The following XIRP2 variants were observed in gnomAD, a reference collection of about 807,000 sequenced individuals.
The protein encoded by XIRP2 is xin actin-binding repeat-containing protein 2.
Under a neutral mutation model 277.0 loss-of-function variants are expected in XIRP2, and 236 were observed. That is an observed-to-expected ratio of 0.85 (90% CI 0.77 to 0.95). XIRP2 has a LOEUF of 0.95. Among genes scored for constraint, XIRP2 ranks in the 40% least tolerant of loss-of-function variants. The pLI is 0.00. For synonymous variants in XIRP2, 1,490 were observed against 1,416.5 expected (o/e 1.05, Z -1.17); for missense variants, 4,640 against 4,157.5 (o/e 1.12, Z -3.19).
chr2:167,105,923 T>C (rs533941638), intron 2 of XIRP2, among the ~76,000 whole-genome samples: 26 of 151,828 alleles, frequency 1.7e-4, no homozygotes, highest in African/African-American at 6.0e-4. Flanking sequence ...GAACATCTTT[T>C]CATGTAGTCA....
In XIRP2 at chr2:167,258,983, A is replaced by G. The variant is rs1159696397; in HGVS notation, c.*1166A>G. The G allele has an allele frequency of 4.3e-6, 7 of 1,612,036 alleles. No individual in the cohort carries two copies. The highest frequency in any genetic ancestry group is 5.9e-6 in the Non-Finnish European group (7 of 1,178,980). On this transcript the variant is annotated 3_prime_UTR_variant, in exon 11 of 11. Coordinates refer to ENST00000409195, the MANE Select transcript of XIRP2 (RefSeq NM_152381.6). ...CCTTATGGTAAAGGGGGGAAGTTCAATCATCTCTCCTGATACAAATCTCTT... is the reference window on the plus strand; with the variant it reads ...CCTTATGGTAAAGGGGGGAAGTTCAGTCATCTCTCCTGATACAAATCTCTT...
rs376884835 is a variant in XIRP2, at chr2:167,227,503, C to T, written c.858+9203C>T. 5.3e-5 allele frequency among the ~76,000 whole-genome samples: 8 copies of T among 151,996 alleles called. No individual in the cohort carries two copies. The East Asian group carries it at 1.5e-3, about 29-fold the overall frequency. Reference sequence around the variant, plus strand: ...ATCGTTTGAGGCCAGGAGTTAGAGACCAGCCTGGGCAACATAGCAAAACCC... The same window carrying T: ...ATCGTTTGAGGCCAGGAGTTAGAGATCAGCCTGGGCAACATAGCAAAACCC... On this transcript the variant is annotated intron_variant, in intron 5 of 10. Coordinates refer to ENST00000409195, the MANE Select transcript of XIRP2 (RefSeq NM_152381.6).
intron 1 of XIRP2, among the ~76,000 whole-genome samples, chr2:166,888,878 T>G (rs1307300152): frequency 6.6e-6 from 1 of 152,186 alleles, no homozygotes; most frequent in African/African-American, 2.4e-5. Context: ...TATATTATAT[T>G]TTTGGACACT....
chr2:167,249,315 G>A lies in XIRP2; in HGVS notation c.7923G>A (p.Arg2641=). The A allele has an allele frequency of 6.2e-7, 1 of 1,613,752 alleles. No individual in the cohort carries two copies. Among genetic ancestry groups the A allele is most frequent in the Non-Finnish European group, 8.5e-7 (1 of 1,179,794 alleles). The change falls in exon 9 of 11, where the codon AGG becomes AGA. Residue 2641 remains arginine, a synonymous_variant. Coordinates refer to ENST00000409195, the MANE Select transcript of XIRP2 (RefSeq NM_152381.6). ...CGCCAGAAACAGTCGCTGCCAAGAG[G>A]CTCCACCATGTTTTAGCAGCTTCAG... The part of the protein sequence containing the change: ...TTSPETVAAK[R]LHHVLAASED...
intron 2 of XIRP2, among the ~76,000 whole-genome samples, chr2:166,995,126 C>A (rs1026021218): frequency 6.6e-6 from 1 of 152,072 alleles, no homozygotes; most frequent in Admixed American, 6.6e-5. Context: ...GTGATCCCCC[C>A]ACCTCGGCCT....
At chr2:166,977,724 G>A (rs1254742698) in intron 2 of XIRP2, among the ~76,000 whole-genome samples, 2 of 152,158 alleles carry the variant, frequency 1.3e-5, no homozygotes, top group Non-Finnish European at 2.9e-5. Context: ...AAGATGGAGA[G>A]GGGAATAAGT....
At chr2:167,217,363 C>A (rs1694284158) in intron 4 of XIRP2, among the ~76,000 whole-genome samples, 1 of 152,054 alleles carries the variant, frequency 6.6e-6, no homozygotes, top group African/African-American at 2.4e-5. Context: ...AATGTTAAAG[C>A]CCCCTGATTC....
At chr2:167,072,586 C>T (rs979775543) in intron 2 of XIRP2, among the ~76,000 whole-genome samples, 1 of 152,066 alleles carries the variant, frequency 6.6e-6, no homozygotes, top group East Asian at 1.9e-4. Context: ...CGTCTATATC[C>T]TCAACCCCAG....
chr2:166,943,499 A>G (rs1685775597), intron 2 of XIRP2, among the ~76,000 whole-genome samples: 3 of 152,184 alleles, frequency 2.0e-5, no homozygotes, highest in Non-Finnish European at 4.4e-5. Context: ...TGTTCATCAT[A>G]TCACCACTCG....
chr2:167,237,900 T>C (rs1005059557), intron 5 of XIRP2, among the ~76,000 whole-genome samples: 2 of 152,206 alleles, frequency 1.3e-5, no homozygotes, highest in Non-Finnish European at 2.9e-5. Context: ...TTAGTGCCCA[T>C]GCATTTTTTT....
intron 10 of XIRP2, among the ~76,000 whole-genome samples, chr2:167,254,992 T>C (rs886148988): frequency 6.6e-6 from 1 of 151,592 alleles, no homozygotes; most frequent in African/African-American, 2.4e-5. Context: ...AACACCCTCA[T>C]GGCAACATTT....
In XIRP2 at chr2:167,248,633, G is replaced by A; in HGVS notation, c.7241G>A (p.Gly2414Glu). The stretch of plus-strand genomic sequence containing the variant: ...AATTCTCAGGCTAAAATCATAACAG[G>A]AAAAACCGGTGTGTTGCCACCTCCC... ...SQNSQAKIIT[G>E]KTGVLPPPTL... Residue 2414 changes from glycine (G) to glutamate (E), a missense_variant, in exon 9 of 11, where the codon GGA becomes GAA. Transcript: ENST00000409195. The A allele has an allele frequency of 1.9e-6, 3 of 1,613,588 alleles. No individual in the cohort carries two copies. Among genetic ancestry groups the A allele is most frequent in the Non-Finnish European group, 2.5e-6 (3 of 1,179,794 alleles).
At chr2:167,050,035 A>G (rs957333390) in intron 2 of XIRP2, among the ~76,000 whole-genome samples, 1 of 152,102 alleles carries the variant, frequency 6.6e-6, no homozygotes, top group African/African-American at 2.4e-5. Flanking sequence ...CATTATGATT[A>G]TATGGAAATT....
rs375069829 is a variant in XIRP2, at chr2:166,891,993, C to T, written c.-19+3436C>T. Among the ~76,000 whole-genome samples the T allele has an allele frequency of 5.5e-4, 84 of 152,172 alleles. No individual in the cohort carries two copies. In the South Asian group the frequency reaches 0.015, roughly 27 times the overall value. On this transcript the variant is annotated intron_variant, in intron 1 of 10. Transcript: ENST00000409195. ...TTTGTAGTTTGAACCTTCAGCTTGC[C>T]GATGCTGATATGCCTCACAATCTTC...
chr2:166,946,989 G>A (rs2105390485), intron 2 of XIRP2, among the ~76,000 whole-genome samples: 1 of 152,132 alleles, frequency 6.6e-6, no homozygotes, highest in African/African-American at 2.4e-5. Context: ...GAAAGGCATA[G>A]CCCCCACATT....
intron 2 of XIRP2, among the ~76,000 whole-genome samples, chr2:166,945,281 T>C (rs371534412): frequency 1.2e-4 from 19 of 152,262 alleles, no homozygotes; most frequent in East Asian, 7.8e-4. Context: ...GGATAGGTTT[T>C]GCTCTGTTTT....
chr2:167,017,846 C>T (rs1464087262), intron 2 of XIRP2, among the ~76,000 whole-genome samples: 1 of 151,970 alleles, frequency 6.6e-6, no homozygotes, highest in Admixed American at 6.6e-5. Flanking sequence ...GAACATTAAT[C>T]CAGATGTCCC....
chr2:166,899,236 TG>T (rs1684317391), intron 1 of XIRP2, among the ~76,000 whole-genome samples: 1 of 152,098 alleles, frequency 6.6e-6, no homozygotes, highest in African/African-American at 2.4e-5. Context: ...CACAGTCTAT[TG>T]GTATTAGCAT....
intron 2 of XIRP2, among the ~76,000 whole-genome samples, chr2:167,067,533 T>G (rs1231479691): frequency 6.6e-6 from 1 of 152,176 alleles, no homozygotes; most frequent in East Asian, 1.9e-4. Context: ...GTCACATAAT[T>G]TGATGGTTTC....
Sources: allele counts gnomAD v4.1 joint callset (sites outside exome capture counted in the v4.1 genomes callset), GRCh38; gene constraint gnomAD v4.1.1; transcripts MANE v1.5; gene names NCBI Gene and HGNC (gene_info 2026-07-23, HGNC 2026-07-21).